SLC35F4: variants seen among roughly 807,000 people sequenced by gnomAD.
The protein encoded by SLC35F4 is solute carrier family 35 member F4, also known as chromosome 14 open reading frame 36.
Under a neutral mutation model 44.2 loss-of-function variants are expected in SLC35F4, and 24 were observed. The ratio of observed to expected loss-of-function variants is 0.54; its 90% CI spans 0.39 to 0.76. The LOEUF (loss-of-function observed/expected upper bound fraction) is 0.76. Among genes scored for constraint, SLC35F4 ranks in the 30% least tolerant of loss-of-function variants. The pLI, the probability that SLC35F4 is intolerant of heterozygous loss-of-function variation, is 0.00. For missense variants in SLC35F4, 562 were observed against 586.1 expected, an observed-to-expected ratio of 0.96 and a Z score of 0.42; for synonymous variants, 238 against 223.6, an observed-to-expected ratio of 1.06 and a Z score of -0.57.
chr14:57,870,306 C>G (rs55767542), upstream of SLC35F4, among the ~76,000 whole-genome samples: 1 of 152,012 alleles, frequency 6.6e-6, no homozygotes, highest in African/African-American at 2.4e-5. Flanking sequence ...ATACTGTACT[C>G]GGCAGTACAG....
intron 3 of SLC35F4, among the ~76,000 whole-genome samples, chr14:57,588,099 G>T (rs1055081664): frequency 6.6e-6 from 1 of 152,092 alleles, no homozygotes; most frequent in Non-Finnish European, 1.5e-5. Flanking sequence ...GGAAAGAGGC[G>T]AAGGTTGTAG....
chr14:57,786,505 C>T (rs970984359), intron 1 of SLC35F4, among the ~76,000 whole-genome samples: 11 of 152,284 alleles, frequency 7.2e-5, no homozygotes, highest in African/African-American at 9.6e-5. Context: ...AGAACCCTCA[C>T]GGAGTCCATT....
intron 1 of SLC35F4, among the ~76,000 whole-genome samples, chr14:57,892,573 C>A (rs575422141): frequency 4.4e-4 from 67 of 152,198 alleles, no homozygotes; most frequent in Non-Finnish European, 7.9e-4. Flanking sequence ...ATTATAGGAA[C>A]AATTCATTTA....
intron 1 of SLC35F4, among the ~76,000 whole-genome samples, chr14:57,725,208 A>C (rs937045499): frequency 2.6e-5 from 4 of 152,146 alleles, no homozygotes; most frequent in Non-Finnish European, 4.4e-5. Flanking sequence ...CCCATGAACA[A>C]AGTGGCCATG....
intron 1 of SLC35F4, among the ~76,000 whole-genome samples, chr14:57,689,900 A>G (rs2075179170): frequency 6.6e-6 from 1 of 151,490 alleles, no homozygotes; most frequent in Non-Finnish European, 1.5e-5. Flanking sequence ...AAATAAAAAT[A>G]AAAAAAAATA....
At chr14:57,942,020 T>C (rs764265220) in intron 1 of SLC35F4, among the ~76,000 whole-genome samples, 3 of 152,320 alleles carry the variant, frequency 2.0e-5, no homozygotes, top group South Asian at 4.1e-4. Flanking sequence ...CTTTGTCCCA[T>C]TACTTTGAGA....
At chr14:57,616,219 A>G (rs1408860906) in intron 1 of SLC35F4, among the ~76,000 whole-genome samples, 2 of 152,128 alleles carry the variant, frequency 1.3e-5, no homozygotes, top group Non-Finnish European at 2.9e-5. Context: ...TCTTATTTTA[A>G]TAGTATTTTT....
chr14:57,568,075 G>A (rs1167744031), intron 6 of SLC35F4, among the ~76,000 whole-genome samples: 2 of 152,242 alleles, frequency 1.3e-5, no homozygotes, highest in Non-Finnish European at 2.9e-5. Context: ...AGATCCTGGG[G>A]TGTGTAACAG....
intron 1 of SLC35F4, among the ~76,000 whole-genome samples, chr14:57,854,344 G>A (rs1046825398): frequency 5.9e-5 from 9 of 151,854 alleles, no homozygotes; most frequent in Non-Finnish European, 2.9e-5. Flanking sequence ...TAACTCCAAA[G>A]ACTATGTAGA....
chr14:57,580,644 A>G, intron 4 of SLC35F4: 1 of 203,308 alleles, frequency 4.9e-6, no homozygotes, highest in South Asian at 6.6e-5. Context: ...AGTTTAATGC[A>G]GTTCAATTAA....
chr14:57,584,890 C>T (rs530021244), intron 3 of SLC35F4, among the ~76,000 whole-genome samples: 63 of 152,296 alleles, frequency 4.1e-4, no homozygotes, highest in Non-Finnish European at 7.6e-4. Flanking sequence ...AACACACACA[C>T]TGTACAGGTG....
intron 1 of SLC35F4, among the ~76,000 whole-genome samples, chr14:57,717,894 C>A (rs1397100433): frequency 2.0e-5 from 3 of 152,036 alleles, no homozygotes; most frequent in African/African-American, 4.8e-5. Flanking sequence ...TTAAAATGTA[C>A]AATTAAATTG....
chr14:57,937,202 G>A (rs1889813319), intron 1 of SLC35F4, among the ~76,000 whole-genome samples: 7 of 151,974 alleles, frequency 4.6e-5, no homozygotes, highest in Admixed American at 4.6e-4. Flanking sequence ...CGAGTAGCTG[G>A]GATTACAGGC....
intron 1 of SLC35F4, among the ~76,000 whole-genome samples, chr14:57,683,454 C>T (rs2074968659): frequency 6.8e-6 from 1 of 147,188 alleles, no homozygotes; most frequent in Admixed American, 6.8e-5. Context: ...TTTAGGATCG[C>T]CTTTTCCCCT....
At chr14:57,567,171 G>A (rs974439027) in intron 6 of SLC35F4, among the ~76,000 whole-genome samples, 3 of 152,204 alleles carry the variant, frequency 2.0e-5, no homozygotes, top group African/African-American at 7.2e-5. Context: ...GTAGCTCCAT[G>A]CTCTTCAATG....
At chr14:57,616,941 T>C (rs554932975) in intron 1 of SLC35F4, among the ~76,000 whole-genome samples, 4 of 152,048 alleles carry the variant, frequency 2.6e-5, no homozygotes, top group Admixed American at 2.6e-4. Flanking sequence ...CCCCTTCCTC[T>C]CAATCAGAGC....
upstream of SLC35F4, among the ~76,000 whole-genome samples, chr14:57,869,905 A>G (rs927932076): frequency 6.6e-6 from 1 of 152,182 alleles, no homozygotes; most frequent in Admixed American, 6.5e-5. Flanking sequence ...TTTCAATAGT[A>G]GGCAATGGCA....
At chr14:57,948,712 G>A (rs1020060270) in intron 1 of SLC35F4, among the ~76,000 whole-genome samples, 4 of 151,276 alleles carry the variant, frequency 2.6e-5, no homozygotes, top group African/African-American at 2.4e-5. Flanking sequence ...TGCTGTATCC[G>A]AGAGGTTTTG....
At chr14:57,736,456 T>C (rs1011371936) in intron 1 of SLC35F4, among the ~76,000 whole-genome samples, 1 of 152,224 alleles carries the variant, frequency 6.6e-6, no homozygotes, top group Non-Finnish European at 1.5e-5. Flanking sequence ...AAGGTCCACC[T>C]GTGGAAAACT....
Sources: gnomAD v4.1 joint callset for allele counts (sites outside exome capture counted in the v4.1 genomes callset) on GRCh38, gnomAD v4.1.1 for gene constraint, MANE v1.5 for transcripts, NCBI Gene and HGNC (gene_info 2026-07-23, HGNC 2026-07-21) for gene names.